SLIT3: variants seen among roughly 807,000 people sequenced by gnomAD.
SLIT3 encodes slit guidance ligand 3.
A neutral mutation model predicts 184.0 loss-of-function variants in SLIT3; 68 were observed. The ratio of observed to expected loss-of-function variants is 0.37; its 90% CI spans 0.30 to 0.45. The LOEUF is 0.45. Ranked by LOEUF, SLIT3 falls within the 20% of genes least tolerant of loss-of-function variation. The probability of loss-of-function intolerance (pLI) is 1.00; values close to 1 mark genes in which losing one functional copy is unlikely to be tolerated. For missense variants in SLIT3, 1,707 were observed against 2,026.0 expected (o/e 0.84, Z 3.02); for synonymous variants, 831 against 828.6 (o/e 1.00, Z -0.05).
At chr5:168,805,287 G>C (rs2113629048) in intron 9 of SLIT3, among the ~76,000 whole-genome samples, 1 of 152,146 alleles carries the variant, frequency 6.6e-6, no homozygotes, top group Admixed American at 6.5e-5. Context: ...AATGCATTGG[G>C]AACAGAAGGG....
chr5:168,919,042 C>T (rs1053225561), intron 4 of SLIT3, among the ~76,000 whole-genome samples: 2 of 151,928 alleles, frequency 1.3e-5, no homozygotes, highest in African/African-American at 2.4e-5. Flanking sequence ...GGGTGGATCA[C>T]GAGGTCAGGA....
At chr5:169,078,041 A>G (rs1293902104) in intron 4 of SLIT3, among the ~76,000 whole-genome samples, 1 of 152,080 alleles carries the variant, frequency 6.6e-6, no homozygotes, top group Non-Finnish European at 1.5e-5. Context: ...GGAGAATCCT[A>G]GGAAACCTTG....
chr5:168,936,358 C>T (rs1052392834), intron 4 of SLIT3, among the ~76,000 whole-genome samples: 3 of 152,190 alleles, frequency 2.0e-5, no homozygotes, highest in Non-Finnish European at 4.4e-5. Context: ...CCTCAGCCTC[C>T]TAAGTAGCTG....
At chr5:168,774,401 T>A (rs756692161) in intron 12 of SLIT3, 23 bp from the exon 13 acceptor site, 1 of 1,598,242 alleles carries the variant, frequency 6.3e-7, no homozygotes, top group Non-Finnish European at 8.5e-7. Flanking sequence ...GAGAGCCTGG[T>A]TGATTCACTA....
chr5:169,076,683 G>A (rs939583216), intron 4 of SLIT3, among the ~76,000 whole-genome samples: 3 of 152,080 alleles, frequency 2.0e-5, no homozygotes, highest in African/African-American at 4.8e-5. Context: ...CTCAGTTTTT[G>A]GAAATTCTAG....
At chr5:168,812,505 T>A (rs866591156) in intron 8 of SLIT3, among the ~76,000 whole-genome samples, 2 of 152,058 alleles carry the variant, frequency 1.3e-5, no homozygotes, top group Non-Finnish European at 2.9e-5. Context: ...AATAAAAAAA[T>A]TTACAGAATA....
At chr5:168,957,779 C>T (rs907364967) in intron 4 of SLIT3, among the ~76,000 whole-genome samples, 2 of 152,016 alleles carry the variant, frequency 1.3e-5, no homozygotes, top group South Asian at 2.1e-4. Flanking sequence ...GTGTTGGGGG[C>T]GGGAGGGCCA....
intron 4 of SLIT3, among the ~76,000 whole-genome samples, chr5:169,128,115 A>G (rs1228573803): frequency 6.6e-6 from 1 of 151,664 alleles, no homozygotes; most frequent in African/African-American, 2.4e-5. Context: ...AATGCTTATG[A>G]TGTTGAATGA....
intron 4 of SLIT3, among the ~76,000 whole-genome samples, chr5:169,078,688 T>C (rs1417027083): frequency 2.0e-5 from 3 of 152,230 alleles, no homozygotes; most frequent in Admixed American, 1.3e-4. Context: ...ATAACTGTGC[T>C]AGGAGCTTTT....
At chr5:168,878,156 C>T (rs13183458) in intron 5 of SLIT3, among the ~76,000 whole-genome samples, 36,215 of 152,126 alleles carry the variant, frequency 0.24, 4,427 homozygotes, top group South Asian at 0.32. Flanking sequence ...TCCATCGAAC[C>T]GCCTGTCTCT....
At chr5:168,901,308 G>A (rs1760865599) in intron 4 of SLIT3, among the ~76,000 whole-genome samples, 1 of 152,142 alleles carries the variant, frequency 6.6e-6, no homozygotes, top group Admixed American at 6.5e-5. Flanking sequence ...AGCTTGCAGT[G>A]AGCTGAGATG....
At chr5:169,226,522 C>A (rs1192014386) in intron 3 of SLIT3, among the ~76,000 whole-genome samples, 1 of 152,140 alleles carries the variant, frequency 6.6e-6, no homozygotes, top group African/African-American at 2.4e-5. Flanking sequence ...AAATTGGGTG[C>A]CTTCGCCGAC....
chr5:168,937,114 TG>T (rs984796867), intron 4 of SLIT3, among the ~76,000 whole-genome samples: 15 of 151,920 alleles, frequency 9.9e-5, no homozygotes, highest in African/African-American at 3.6e-4. Flanking sequence ...CAGGTGAAGT[TG>T]GGGGGAAAAG....
intron 26 of SLIT3, among the ~76,000 whole-genome samples, chr5:168,703,635 C>G (rs2113293073): frequency 6.6e-6 from 1 of 152,090 alleles, no homozygotes; most frequent in East Asian, 1.9e-4. Context: ...TCCCTGGTGC[C>G]AAAAAGGTTG....
intron 4 of SLIT3, among the ~76,000 whole-genome samples, chr5:168,904,885 G>T (rs1261286811): frequency 6.6e-6 from 1 of 152,154 alleles, no homozygotes; most frequent in South Asian, 2.1e-4. Flanking sequence ...GGTGATATCC[G>T]GCTGGGTGTG....
intron 4 of SLIT3, among the ~76,000 whole-genome samples, chr5:168,921,864 T>G (rs1240455231): frequency 6.6e-6 from 1 of 152,164 alleles, no homozygotes; most frequent in Non-Finnish European, 1.5e-5. Context: ...GAGCACATAC[T>G]ACATGTGAGA....
rs757039025 is a variant in SLIT3, at chr5:168,857,471, T to C, written c.486-12816A>G. Among the ~76,000 whole-genome samples the C allele has an allele frequency of 5.3e-5, 8 of 152,218 alleles. No homozygotes were observed. In the East Asian group the frequency reaches 7.7e-4, roughly 15 times the overall value. On this transcript the variant is annotated intron_variant, in intron 5 of 35. Coordinates refer to ENST00000519560, the MANE Select transcript of SLIT3 (RefSeq NM_003062.4). ...CTCAGGAATCAGATGACAAGGATAT[T>C]TGACCTTGTCGGACTATGGCCTAAC... is the stretch of plus-strand genomic sequence containing the variant.
At chr5:169,074,479 G>C (rs1758664814) in intron 4 of SLIT3, among the ~76,000 whole-genome samples, 1 of 152,114 alleles carries the variant, frequency 6.6e-6, no homozygotes. Flanking sequence ...TCTATGCACT[G>C]TCCCAAAAGT....
At chr5:169,149,140 A>G (rs1452259635) in intron 4 of SLIT3, among the ~76,000 whole-genome samples, 1 of 152,238 alleles carries the variant, frequency 6.6e-6, no homozygotes, top group Non-Finnish European at 1.5e-5. Flanking sequence ...ATCTCCTAAA[A>G]CAGAAGAAAC....
Sources: allele counts gnomAD v4.1 joint callset (sites outside exome capture counted in the v4.1 genomes callset), GRCh38; gene constraint gnomAD v4.1.1; transcripts MANE v1.5; gene names NCBI Gene and HGNC (gene_info 2026-07-23, HGNC 2026-07-21).